The following SLC25A21 variants were observed in gnomAD, a reference collection of about 807,000 sequenced individuals.
SLC25A21 encodes the protein solute carrier family 25 member 21.
In SLC25A21, 47 loss-of-function variants were observed where a neutral mutation model predicts 43.8. That is an observed-to-expected ratio of 1.07 (90% CI 0.85 to 1.37). SLC25A21 has a LOEUF of 1.37. Among genes scored for constraint, SLC25A21 ranks in the 40% most tolerant of loss-of-function variants. The probability of loss-of-function intolerance (pLI) is 0.00; values close to 1 mark genes in which losing one functional copy is unlikely to be tolerated. For synonymous variants in SLC25A21, 131 were observed against 121.3 expected, an observed-to-expected ratio of 1.08 and a Z score of -0.52; for missense variants, 352 against 350.2, an observed-to-expected ratio of 1.00 and a Z score of -0.04.
At chr14:36,986,523 AT>A (rs1960148214) in intron 1 of SLC25A21, among the ~76,000 whole-genome samples, 1 of 152,116 alleles carries the variant, frequency 6.6e-6, no homozygotes, top group Non-Finnish European at 1.5e-5. Context: ...TTTAGAAAGA[AT>A]TTGTATTTCC....
At chr14:36,947,440 T>G (rs1892703481) in intron 1 of SLC25A21, among the ~76,000 whole-genome samples, 1 of 152,132 alleles carries the variant, frequency 6.6e-6, no homozygotes, top group South Asian at 2.1e-4. Flanking sequence ...TCAAAGATAG[T>G]TTGTCTTCAG....
chr14:36,902,936 G>A (rs1205190618), intron 1 of SLC25A21, among the ~76,000 whole-genome samples: 1 of 152,148 alleles, frequency 6.6e-6, no homozygotes. Context: ...AGTGAGCCAT[G>A]ATTGCACCAC....
At chr14:36,829,981 CT>C (rs1381558766) in intron 2 of SLC25A21, among the ~76,000 whole-genome samples, 3 of 151,598 alleles carry the variant, frequency 2.0e-5, no homozygotes, top group African/African-American at 7.3e-5. Context: ...CTGACTATTG[CT>C]TTCTACACGA....
At chr14:37,100,028 A>ATGTT (rs71449968) in intron 1 of SLC25A21, among the ~76,000 whole-genome samples, 1,830 of 147,312 alleles carry the variant, frequency 0.012, 16 homozygotes, top group East Asian at 0.036. Context: ...CACCACCTCT[A>ATGTT]TGTTTGTTTG....
chr14:37,001,504 G>T (rs948742757), intron 1 of SLC25A21, among the ~76,000 whole-genome samples: 2 of 152,106 alleles, frequency 1.3e-5, no homozygotes, highest in Non-Finnish European at 2.9e-5. Context: ...TATTGCTATG[G>T]CTAACATATG....
At chr14:36,782,727 T>C (rs916962120) in intron 3 of SLC25A21, among the ~76,000 whole-genome samples, 31 of 144,870 alleles carry the variant, frequency 2.1e-4, no homozygotes, top group Non-Finnish European at 3.4e-4. Context: ...CCGCATATTC[T>C]CACTCATAGG....
In SLC25A21 at chr14:36,768,838, T is replaced by C. The variant is rs72681413; in HGVS notation, c.204-34265A>G. 9.2e-4 allele frequency among the ~76,000 whole-genome samples: 139 copies of C among 151,442 alleles called. 1 individual carries two copies. The highest frequency in any genetic ancestry group is 6.1e-3 in the South Asian group (29 of 4,792). On this transcript the variant is annotated intron_variant, in intron 3 of 9. Transcript: ENST00000331299. ...GGCTGGGTGGCATGGCTCAAGCCTG[T>C]AATTTCAGCACTTTGGAAGGCTGAG...
At chr14:37,166,147 G>A (rs1411614393) in intron 1 of SLC25A21, among the ~76,000 whole-genome samples, 1 of 152,198 alleles carries the variant, frequency 6.6e-6, no homozygotes, top group East Asian at 1.9e-4. Flanking sequence ...AGCAGAGCAT[G>A]TGCTAGATTT....
chr14:36,806,063 A>T (rs1319626896), intron 3 of SLC25A21, among the ~76,000 whole-genome samples: 1 of 140,714 alleles, frequency 7.1e-6, no homozygotes, highest in Non-Finnish European at 1.5e-5. Flanking sequence ...AAAGATATAA[A>T]AAATTAGCTG....
chr14:37,006,097 A>G (rs998863174), intron 1 of SLC25A21, among the ~76,000 whole-genome samples: 6 of 152,210 alleles, frequency 3.9e-5, no homozygotes, highest in African/African-American at 1.4e-4. Flanking sequence ...TATACAAGGT[A>G]TAAAAATAAT....
chr14:37,139,941 G>A (rs896685856), intron 1 of SLC25A21, among the ~76,000 whole-genome samples: 4 of 152,158 alleles, frequency 2.6e-5, no homozygotes, highest in Admixed American at 6.5e-5. Context: ...AATTTCTGCC[G>A]AAACTAAAAT....
At chr14:36,977,704 C>T (rs974316204) in intron 1 of SLC25A21, among the ~76,000 whole-genome samples, 1 of 152,048 alleles carries the variant, frequency 6.6e-6, no homozygotes, top group Non-Finnish European at 1.5e-5. Flanking sequence ...CAGTATACGA[C>T]ACTATTATTT....
chr14:36,803,441 C>T (rs921072343), intron 3 of SLC25A21, among the ~76,000 whole-genome samples: 1 of 152,128 alleles, frequency 6.6e-6, no homozygotes, highest in Non-Finnish European at 1.5e-5. Context: ...GACCTGTTCA[C>T]TGAAAATGTA....
intron 1 of SLC25A21, among the ~76,000 whole-genome samples, chr14:37,003,781 G>A (rs1960539995): frequency 6.6e-6 from 1 of 152,162 alleles, no homozygotes; most frequent in South Asian, 2.1e-4. Context: ...ACTCTGGAGT[G>A]CCAGTTATGT....
chr14:36,925,077 C>T (rs1179385165), intron 1 of SLC25A21, among the ~76,000 whole-genome samples: 1 of 151,964 alleles, frequency 6.6e-6, no homozygotes, highest in African/African-American at 2.4e-5. Context: ...CAAGCAAGTG[C>T]TTTAAAAATA....
chr14:36,757,324 C>G (rs746274393), intron 3 of SLC25A21, among the ~76,000 whole-genome samples: 1 of 152,044 alleles, frequency 6.6e-6, no homozygotes, highest in African/African-American at 2.4e-5. Flanking sequence ...AAAGTACAAA[C>G]TCACTAGAAA....
At chr14:36,771,807 T>C (rs139619780) in intron 3 of SLC25A21, among the ~76,000 whole-genome samples, 1 of 151,804 alleles carries the variant, frequency 6.6e-6, no homozygotes, top group East Asian at 1.9e-4. Flanking sequence ...CATTTTAACA[T>C]AAAAATATTA....
rs1275546005 is a variant in SLC25A21, at chr14:36,793,934, A to C, written c.203+19984T>G. ...TTGCAGATCAGGAAAAAAAAAAAAA[A>C]AAAAACTTGGCAAGAAGAAGCAAAT... is the stretch of plus-strand genomic sequence containing the variant. On this transcript the variant is annotated intron_variant, in intron 3 of 9. Coordinates refer to ENST00000331299, the MANE Select transcript of SLC25A21 (RefSeq NM_030631.4). 2.0e-5 allele frequency among the ~76,000 whole-genome samples: 3 copies of C among 152,006 alleles called. No individual in the cohort carries two copies. The East Asian group carries it at 5.8e-4, about 29-fold the overall frequency.
At position 36,679,718 on chromosome 14, in the gene SLC25A21, T is replaced by C. The variant is rs544313027; in HGVS notation, c.*940A>G. 5.9e-4 allele frequency: 584 copies of C among 985,456 alleles called. 1 individual carries two copies. Among genetic ancestry groups the C allele is most frequent in the South Asian group, 7.5e-4 (16 of 21,290 alleles). The allele number at this position is 985,456 out of a possible 1,614,324, so 61.0% of individuals were successfully genotyped here. A position where few individuals can be genotyped will look rare whatever the true frequency, so the allele number is the denominator to read the frequency against. The stretch of plus-strand genomic sequence containing the variant: ...AACCTGAAAATGCAGTTCTGTTCTA[T>C]ACATTCTTCCTAAAAATGGCACAGG... On this transcript the variant is annotated 3_prime_UTR_variant, in exon 10 of 10. Coordinates refer to ENST00000331299, the MANE Select transcript of SLC25A21 (RefSeq NM_030631.4).
Sources: allele counts gnomAD v4.1 joint callset (sites outside exome capture counted in the v4.1 genomes callset), GRCh38; gene constraint gnomAD v4.1.1; transcripts MANE v1.5; gene names NCBI Gene and HGNC (gene_info 2026-07-23, HGNC 2026-07-21).